The following KIF26B variants were observed in gnomAD, a reference collection of about 807,000 sequenced individuals.
The protein encoded by KIF26B is kinesin family member 26B.
A neutral mutation model predicts 151.2 loss-of-function variants in KIF26B; 63 were observed. The ratio of observed to expected loss-of-function variants is 0.42; its 90% CI spans 0.34 to 0.51. KIF26B has a LOEUF of 0.51. Ranked by LOEUF, KIF26B falls within the 20% of genes least tolerant of loss-of-function variation. The pLI, the probability that KIF26B is intolerant of heterozygous loss-of-function variation, is 0.07. For missense variants in KIF26B, 2,813 were observed against 2,913.6 expected (o/e 0.97, Z 0.79); for synonymous variants, 1,357 against 1,262.1 (o/e 1.08, Z -1.59).
intron 2 of KIF26B, among the ~76,000 whole-genome samples, chr1:245,279,066 G>A (rs982472888): frequency 2.0e-5 from 3 of 152,110 alleles, no homozygotes; most frequent in Admixed American, 6.5e-5. Context: ...TACGGAGCAC[G>A]TGACCCTCTT....
Position 245,286,161 on chromosome 1 carries a change from TC to T in KIF26B, c.466-80672del, listed in dbSNP as rs1671161932. On this transcript the variant is annotated intron_variant, in intron 2 of 14. Transcript: ENST00000407071. ...AGAATCGTTTCTTACAACTTACTCA[TC>T]ATACGTCAGGATGTCACCTGGTCTC... is the stretch of plus-strand genomic sequence containing the variant. Among the ~76,000 whole-genome samples, 3 of 152,230 alleles carry T rather than the reference TC, an allele frequency of 2.0e-5. No homozygotes were observed. In the South Asian group the frequency reaches 6.2e-4, roughly 32 times the overall value.
Position 245,698,340 on chromosome 1 carries a change from C to T in KIF26B, c.6027+32C>T, listed in dbSNP as rs767639461. 1.8e-5 allele frequency: 29 copies of T among 1,587,588 alleles called. No individual in the cohort carries two copies. The highest frequency in any genetic ancestry group is 4.0e-5 in the African/African-American group (3 of 74,500). ...CAGCCTCCTTCCCACCCCCTGCCTACGTGGTGGCAGCTCCCCACCAAGCCT... is the reference window on the plus strand; with the variant it reads ...CAGCCTCCTTCCCACCCCCTGCCTATGTGGTGGCAGCTCCCCACCAAGCCT... On this transcript the variant is annotated intron_variant, in intron 13 of 14. Transcript: ENST00000407071. This position sits in a 1 kb window ranked among gnomAD's most constrained non-coding sequence, Gnocchi z 4.0.
rs1671133221 is a variant in KIF26B, at chr1:245,284,630, TAG to T, written c.466-82202_466-82201del. On this transcript the variant is annotated intron_variant, in intron 2 of 14. Transcript: ENST00000407071. ...CTAGTTTTTGTAGAGTTCTCTCATT[TAG>T]ATTCCTATACTTCTAAAAATGTAAA... is the stretch of plus-strand genomic sequence containing the variant. Among the ~76,000 whole-genome samples, 5 of 152,350 alleles carry T rather than the reference TAG, an allele frequency of 3.3e-5. No homozygotes were observed. The South Asian group carries it at 1.0e-3, about 32-fold the overall frequency.
At chr1:245,398,654 G>A (rs1160864401) in intron 3 of KIF26B, among the ~76,000 whole-genome samples, 2 of 152,158 alleles carry the variant, frequency 1.3e-5, no homozygotes, top group Non-Finnish European at 2.9e-5. Context: ...CTACGCAAAA[G>A]TCCAGGGGCT....
rs1284062143 is a variant in KIF26B at position 245,572,207 on chromosome 1, C to T, written c.1351-30370C>T. On this transcript the variant is annotated intron_variant, in intron 5 of 14. Transcript: ENST00000407071. The surrounding 1 kb of genome is among the most constrained non-coding windows in gnomAD (Gnocchi z 4.2). ...AGGAATGGTTTGCCCTTGCTCAGGA[C>T]TTATTTACCTAATGTCGTTTGGCCT... Among the ~76,000 whole-genome samples, 1 of 152,174 alleles carries T rather than the reference C, an allele frequency of 6.6e-6. No homozygotes were observed. The highest frequency in any genetic ancestry group is 1.5e-5 in the Non-Finnish European group (1 of 68,046).
intron 5 of KIF26B, among the ~76,000 whole-genome samples, chr1:245,581,961 G>GAAGGAAGGAAGA (rs1298184576): frequency 6.6e-6 from 1 of 151,372 alleles, no homozygotes; most frequent in East Asian, 1.9e-4. Flanking sequence ...AGGAAGGAAG[G>GAAGGAAGGAAGA]AAATAAATAA....
intron 6 of KIF26B, among the ~76,000 whole-genome samples, chr1:245,605,091 C>A (rs138899097): frequency 7.2e-5 from 11 of 152,290 alleles, no homozygotes; most frequent in African/African-American, 2.6e-4. Context: ...TGGCCTCAGG[C>A]GAGTCACTCA....
At chr1:245,432,279 G>A (rs1256809643) in intron 4 of KIF26B, among the ~76,000 whole-genome samples, 1 of 152,078 alleles carries the variant, frequency 6.6e-6, no homozygotes, top group Non-Finnish European at 1.5e-5. Context: ...CACATGCTCA[G>A]GAATTAAAGT....
At chr1:245,426,778 C>T (rs1252928480) in intron 4 of KIF26B, among the ~76,000 whole-genome samples, 6 of 152,226 alleles carry the variant, frequency 3.9e-5, no homozygotes, top group Non-Finnish European at 8.8e-5. Context: ...CCCTGTGGGG[C>T]CTGCTCTTCG....
chr1:245,679,524 A>G (rs759799812), intron 10 of KIF26B, among the ~76,000 whole-genome samples: 2 of 122,498 alleles, frequency 1.6e-5, no homozygotes, highest in South Asian at 2.7e-4. Flanking sequence ...GCTGGAGTGC[A>G]GTGGCGCAAT....
intron 10 of KIF26B, among the ~76,000 whole-genome samples, chr1:245,663,940 C>T (rs2044184820): frequency 6.6e-6 from 1 of 152,200 alleles, no homozygotes; most frequent in South Asian, 2.1e-4. Flanking sequence ...CCTGGCTGGG[C>T]AGATGTCTTT....
At chr1:245,162,375 C>CTTTTTTTTTTTTTTTT (rs138853411) in intron 2 of KIF26B, among the ~76,000 whole-genome samples, 1 of 76,494 alleles carries the variant, frequency 1.3e-5, no homozygotes, top group African/African-American at 5.1e-5. Flanking sequence ...TCAGAAATAT[C>CTTTTTTTTTTTTTTTT]TTTTTTTTTT....
intron 14 of KIF26B, among the ~76,000 whole-genome samples, chr1:245,700,638 CAAAAAT>C (rs781504590): frequency 8.6e-5 from 13 of 151,670 alleles, no homozygotes; most frequent in East Asian, 3.9e-4. Context: ...GACCCTGTCT[CAAAAAT>C]AAAAATAAAA....
chr1:245,344,768 A>G (rs1672412442), intron 2 of KIF26B, among the ~76,000 whole-genome samples: 2 of 152,102 alleles, frequency 1.3e-5, no homozygotes, highest in African/African-American at 4.8e-5. Flanking sequence ...GGATACAGAC[A>G]GACTGCATAC....
At chr1:245,514,772 T>C (rs559696766) in intron 4 of KIF26B, among the ~76,000 whole-genome samples, 1 of 152,248 alleles carries the variant, frequency 6.6e-6, no homozygotes, top group Admixed American at 6.5e-5. Flanking sequence ...AGCTGTTACC[T>C]CCATTTGAGC....
chr1:245,665,619 GTGTT>G (rs2044204103), intron 10 of KIF26B, among the ~76,000 whole-genome samples: 2 of 152,186 alleles, frequency 1.3e-5, no homozygotes, highest in African/African-American at 4.8e-5. Flanking sequence ...AATTAGAACT[GTGTT>G]TGAGCTCAGT....
At chr1:245,345,591 G>A (rs1672437142) in intron 2 of KIF26B, among the ~76,000 whole-genome samples, 1 of 151,856 alleles carries the variant, frequency 6.6e-6, no homozygotes, top group African/African-American at 2.4e-5. Flanking sequence ...CCCAGCGTGG[G>A]AGGTGGGGCC....
At chr1:245,477,285 G>A (rs1268094148) in intron 4 of KIF26B, among the ~76,000 whole-genome samples, 1 of 151,584 alleles carries the variant, frequency 6.6e-6, no homozygotes. Flanking sequence ...AAATTCATTT[G>A]TTTGTGCATT....
At chr1:245,416,751 C>T (rs1674429922) in intron 3 of KIF26B, among the ~76,000 whole-genome samples, 1 of 152,080 alleles carries the variant, frequency 6.6e-6, no homozygotes, top group Non-Finnish European at 1.5e-5. Flanking sequence ...TGTTTGAGGA[C>T]CTTGCCCGAG....
Sources: gnomAD v4.1 joint callset for allele counts (sites outside exome capture counted in the v4.1 genomes callset) on GRCh38, gnomAD v4.1.1 for gene constraint, Gnocchi (gnomAD v3.1) non-coding constraint, MANE v1.5 for transcripts, NCBI Gene and HGNC (gene_info 2026-07-23, HGNC 2026-07-21) for gene names.